Variants in P3H2 observed in about 807,000 individuals in gnomAD.
P3H2 encodes the protein prolyl 3-hydroxylase 2.
In P3H2, 80 loss-of-function variants were observed where a neutral mutation model predicts 87.0. The ratio of observed to expected loss-of-function variants is 0.92; its 90% CI spans 0.77 to 1.11. The LOEUF (loss-of-function observed/expected upper bound fraction) is 1.11, where lower values mean the gene tolerates loss of function less well. Ranked by LOEUF, P3H2 falls within the 50% of genes least tolerant of loss-of-function variation. The pLI, the probability that P3H2 is intolerant of heterozygous loss-of-function variation, is 0.00. For missense variants in P3H2, 1,001 were observed against 923.9 expected, an observed-to-expected ratio of 1.08 and a Z score of -1.08; for synonymous variants, 367 against 359.3, an observed-to-expected ratio of 1.02 and a Z score of -0.24.
intron 14 of P3H2, 59 bp downstream of exon 14, chr3:189,963,899 C>G: frequency 6.3e-7 from 1 of 1,585,120 alleles, no homozygotes; most frequent in African/African-American, 1.3e-5. Flanking sequence ...AAGGACTTCT[C>G]AGATAAAGCA....
intron 1 of P3H2, among the ~76,000 whole-genome samples, chr3:190,092,882 G>A (rs1689951960): frequency 6.6e-6 from 1 of 151,978 alleles, no homozygotes; most frequent in Non-Finnish European, 1.5e-5. Context: ...AATCACCCAG[G>A]CTTTAAATCT....
Position 190,120,492 on chromosome 3 carries a change from G to C in P3H2, c.240C>G (p.Ile80Met), listed in dbSNP as rs907835399. The C allele has an allele frequency of 2.1e-6, 3 of 1,456,074 alleles. No individual in the cohort carries two copies. The highest frequency in any genetic ancestry group is 2.7e-6 in the Non-Finnish European group (3 of 1,110,864). The allele number at this position is 1,456,074 out of a possible 1,614,324, so 90.2% of individuals were successfully genotyped here. Residue 80 changes from isoleucine to methionine, a missense_variant, in exon 1 of 15, where the codon ATC becomes ATG. Ile to Met is a conservative substitution (Grantham distance 10). Coordinates refer to ENST00000319332, the MANE Select transcript of P3H2 (RefSeq NM_018192.4). The part of the protein sequence containing the change: ...ALRSHRRLRE[I>M]RTRCARHCAA... ...CGCAGTGGCGGGCACAGCGCGTGCGGATTTCCCGCAGGCGCCGGTGGCTGC... is the reference window on the plus strand; with the variant it reads ...CGCAGTGGCGGGCACAGCGCGTGCGCATTTCCCGCAGGCGCCGGTGGCTGC...
intron 1 of P3H2, among the ~76,000 whole-genome samples, chr3:190,110,496 T>C (rs968657848): frequency 2.6e-5 from 4 of 152,194 alleles, no homozygotes; most frequent in African/African-American, 4.8e-5. Context: ...ACTGTGAAAG[T>C]CTCTGTCCCT....
At position 190,029,734 on chromosome 3, in the gene P3H2, C is replaced by T. The variant is rs535927361; in HGVS notation, c.481-34292G>A. The stretch of plus-strand genomic sequence containing the variant: ...ATAATTTGCTGGCCAGGCACGGTGG[C>T]TCATGCCTGTAATCCCAGCATTTTG... On this transcript the variant is annotated intron_variant, in intron 1 of 14. Transcript: ENST00000319332. 2.3e-3 allele frequency among the ~76,000 whole-genome samples: 349 copies of T among 152,254 alleles called. 3 individuals carry two copies. The highest frequency in any genetic ancestry group is 8.2e-3 in the African/African-American group (339 of 41,556).
rs956273173 is a variant in P3H2, at chr3:190,087,965, G to A, written c.480+32287C>T. Among the ~76,000 whole-genome samples, 78 of 152,304 alleles carry A rather than the reference G, an allele frequency of 5.1e-4. 2 individuals are homozygous for A. Among genetic ancestry groups the A allele is most frequent in the African/African-American group, 1.9e-3 (78 of 41,556 alleles). On this transcript the variant is annotated intron_variant, in intron 1 of 14. Transcript: ENST00000319332. ...CCAAGTGTTCAACAAGTTCCTGAAA[G>A]TGATTACTTTCTGCCCTCTCAACAC...
chr3:190,121,633 C>G (rs542787566), upstream of P3H2: 5 of 152,278 alleles, frequency 3.3e-5, no homozygotes, highest in East Asian at 9.7e-4. Context: ...CCTGTGCAGC[C>G]CGTGGTTTTA....
intron 1 of P3H2, among the ~76,000 whole-genome samples, chr3:190,037,469 G>A (rs978485859): frequency 1.3e-5 from 2 of 152,120 alleles, no homozygotes; most frequent in Non-Finnish European, 2.9e-5. Context: ...GATAGAGTCT[G>A]CAGAAGAAAA....
intron 13 of P3H2, chr3:189,969,252 A>C: frequency 1.2e-6 from 1 of 803,254 alleles, no homozygotes; most frequent in Non-Finnish European, 2.2e-6. Flanking sequence ...CAGCCTCTTT[A>C]GTGAGAACCA....
rs774018969 is a variant in P3H2 at position 190,120,510 on chromosome 3, G to A, written c.222C>T (p.His74=). ...VRDLEAALRS[H]RRLREIRTRC... ...GCGTGCGGATTTCCCGCAGGCGCCG[G>A]TGGCTGCGCAGCGCCGCTTCCAAGT... is the stretch of plus-strand genomic sequence containing the variant. Residue 74 remains histidine, a synonymous_variant, in exon 1 of 15, where the codon CAC becomes CAT. Coordinates refer to ENST00000319332, the MANE Select transcript of P3H2 (RefSeq NM_018192.4). The A allele has an allele frequency of 1.4e-6, 2 of 1,472,460 alleles. No individual in the cohort carries two copies. Among genetic ancestry groups the A allele is most frequent in the Non-Finnish European group, 1.8e-6 (2 of 1,118,858 alleles). 91.2% of individuals were successfully genotyped at this position (1,472,460 alleles called of 1,614,324 possible).
intron 1 of P3H2, among the ~76,000 whole-genome samples, chr3:190,081,976 G>A (rs1306409209): frequency 6.6e-6 from 1 of 152,110 alleles, no homozygotes; most frequent in African/African-American, 2.4e-5. Flanking sequence ...GCTTGTGGCC[G>A]GGCACAATGG....
chr3:190,097,294 CA>C (rs998725724), intron 1 of P3H2, among the ~76,000 whole-genome samples: 41 of 115,840 alleles, frequency 3.5e-4, no homozygotes, highest in African/African-American at 6.5e-4. Context: ...AAAAGTAAAA[CA>C]AACAAACAAC....
At chr3:190,109,191 T>TAA (rs1280417513) in intron 1 of P3H2, among the ~76,000 whole-genome samples, 1 of 152,258 alleles carries the variant, frequency 6.6e-6, no homozygotes, top group African/African-American at 2.4e-5. Context: ...GACTTCAATC[T>TAA]AATTGCTTTT....
chr3:190,094,453 T>G (rs1194915239), intron 1 of P3H2, among the ~76,000 whole-genome samples: 1 of 152,204 alleles, frequency 6.6e-6, no homozygotes, highest in Non-Finnish European at 1.5e-5. Context: ...TAGACAGACT[T>G]GTTCTGATTT....
chr3:190,051,119 A>C (rs1447942), intron 1 of P3H2, among the ~76,000 whole-genome samples: 3 of 152,096 alleles, frequency 2.0e-5, no homozygotes, highest in African/African-American at 4.8e-5. Context: ...TAATTTGATA[A>C]GTTAGAATCA....
At position 189,957,700 on chromosome 3, in the gene P3H2, A is replaced by AAGAGAGAGAG. The variant is rs3062112; in HGVS notation, c.*202_*211dup. 6,478 of 542,842 alleles carry AAGAGAGAGAG rather than the reference A, an allele frequency of 0.012. 29 individuals carry two copies. Among genetic ancestry groups the AAGAGAGAGAG allele is most frequent in the African/African-American group, 0.025 (1,259 of 51,342 alleles). 33.6% of individuals were successfully genotyped at this position (542,842 alleles called of 1,614,324 possible). On this transcript the variant is annotated 3_prime_UTR_variant, in exon 15 of 15. Transcript: ENST00000319332. Reference sequence around the variant, plus strand: ...AACATGGTTAGACCATGTCTCTAAGAAGAGAGAGAGAGAGAGAGAGAGAGA... The same window carrying AAGAGAGAGAG: ...AACATGGTTAGACCATGTCTCTAAGAAGAGAGAGAGAGAGAGAGAGAGAGAGAGAGAGAGA...
At chr3:190,010,601 GC>G (rs1416305930) in intron 1 of P3H2, among the ~76,000 whole-genome samples, 2 of 152,184 alleles carry the variant, frequency 1.3e-5, no homozygotes, top group Admixed American at 1.3e-4. Flanking sequence ...CAATCTGCAA[GC>G]CAAGGAGAGA....
rs1388694588 is a variant in P3H2, at chr3:190,100,246, CG to C, written c.480+20005del. On this transcript the variant is annotated intron_variant, in intron 1 of 14. Coordinates refer to ENST00000319332, the MANE Select transcript of P3H2 (RefSeq NM_018192.4). ...GCAAAACTCCGTCCCCCGCCCCCCCCGCCGCCCCCCCCCCCAAAAAAAACAC... is the reference window on the plus strand; with the variant it reads ...GCAAAACTCCGTCCCCCGCCCCCCCCCCGCCCCCCCCCCCAAAAAAAACAC... 8.4e-3 allele frequency among the ~76,000 whole-genome samples: 712 copies of C among 85,160 alleles called. 4 individuals are homozygous for C. Among genetic ancestry groups the C allele is most frequent in the African/African-American group, 0.043 (607 of 13,974 alleles). 55.9% of individuals were successfully genotyped at this position (85,160 alleles called of 152,430 possible). A position where few individuals can be genotyped will look rare whatever the true frequency, so the allele number is the denominator to read the frequency against.
chr3:190,016,284 C>T (rs150216781), intron 1 of P3H2, among the ~76,000 whole-genome samples: 10 of 152,098 alleles, frequency 6.6e-5, no homozygotes, highest in African/African-American at 2.4e-4. Context: ...ACTCTTGTTG[C>T]CCAGGCTGGA....
intron 1 of P3H2, among the ~76,000 whole-genome samples, chr3:190,086,328 T>A (rs1727209677): frequency 6.6e-6 from 1 of 152,166 alleles, no homozygotes; most frequent in African/African-American, 2.4e-5. Flanking sequence ...GTGAAACCTC[T>A]GTAGAAAGAA....
Sources: gnomAD v4.1 joint callset for allele counts (sites outside exome capture counted in the v4.1 genomes callset) on GRCh38, gnomAD v4.1.1 for gene constraint, MANE v1.5 for transcripts, NCBI Gene and HGNC (gene_info 2026-07-23, HGNC 2026-07-21) for gene names.